DLGAP1: variants seen among roughly 807,000 people sequenced by gnomAD.
The protein encoded by DLGAP1 is disks large-associated protein 1.
A neutral mutation model predicts 90.8 loss-of-function variants in DLGAP1; 11 were observed. The ratio of observed to expected loss-of-function variants is 0.12; its 90% CI spans 0.08 to 0.20. The LOEUF is 0.20. DLGAP1 is among the 10% of genes least tolerant of loss of function. The pLI is 1.00. For missense variants in DLGAP1, 1,050 were observed against 1,333.8 expected (o/e 0.79, Z 3.31); for synonymous variants, 558 against 540.7 (o/e 1.03, Z -0.44).
At chr18:3,715,166 A>G (rs2061723085) in intron 7 of DLGAP1, among the ~76,000 whole-genome samples, 2 of 152,224 alleles carry the variant, frequency 1.3e-5, no homozygotes, top group Non-Finnish European at 2.9e-5. Flanking sequence ...CCAGAAGAAC[A>G]TGGGTCAGAA....
At chr18:4,336,995 T>C (rs1482300759) in intron 1 of DLGAP1, among the ~76,000 whole-genome samples, 1 of 150,078 alleles carries the variant, frequency 6.7e-6, no homozygotes, top group Non-Finnish European at 1.5e-5. Context: ...GCGCCTGTAG[T>C]TCCAGCTACT....
intron 5 of DLGAP1, among the ~76,000 whole-genome samples, chr18:3,770,373 T>G (rs1021290613): frequency 1.3e-5 from 2 of 152,128 alleles, no homozygotes; most frequent in African/African-American, 4.8e-5. Flanking sequence ...CAGACACATG[T>G]CCTGAATATT....
intron 7 of DLGAP1, among the ~76,000 whole-genome samples, chr18:3,601,828 G>C (rs1041227135): frequency 3.9e-4 from 48 of 123,348 alleles, no homozygotes; most frequent in African/African-American, 1.3e-3. Flanking sequence ...CTGGGTGACA[G>C]AGCGAGACTC....
At chr18:4,406,738 T>C (rs1872885622) in intron 1 of DLGAP1, among the ~76,000 whole-genome samples, 3 of 152,182 alleles carry the variant, frequency 2.0e-5, no homozygotes, top group Admixed American at 1.3e-4. Context: ...GCAAGCCAGT[T>C]AGAAGAGTCC....
chr18:3,581,868 C>T lies in DLGAP1; in HGVS notation c.1965+7G>A, dbSNP rs749535704. 5.0e-6 allele frequency: 8 copies of T among 1,612,810 alleles called. No homozygotes were observed. On this transcript the variant is annotated splice_region_variant and intron_variant, in intron 8 of 12. Coordinates refer to ENST00000315677, the MANE Select transcript of DLGAP1 (RefSeq NM_004746.4). The stretch of plus-strand genomic sequence containing the variant: ...CTATTTCAAAGGATAGAAAGGGAGG[C>T]TGTTACCTGTATCCCGATAGACAGG...
rs140013127 is a variant in DLGAP1 at position 4,419,867 on chromosome 18, G to A, written c.-267+35139C>T. On this transcript the variant is annotated intron_variant, in intron 1 of 12. Transcript: ENST00000315677. ...GAGAAAAGAAACAAACAACAGGTAA[G>A]ACAAATAGAAAACAGCTAACATAGA... Among the ~76,000 whole-genome samples the A allele has an allele frequency of 2.9e-3, 440 of 152,134 alleles. 1 individual carries two copies. The highest frequency in any genetic ancestry group is 2.9e-3 in the Non-Finnish European group (199 of 67,976).
chr18:4,327,874 T>A (rs115927394), intron 1 of DLGAP1, among the ~76,000 whole-genome samples: 17 of 152,088 alleles, frequency 1.1e-4, no homozygotes, highest in African/African-American at 4.1e-4. Context: ...AATCAGTATA[T>A]ACCATGCCGA....
At chr18:4,304,278 T>C (rs905444548) in intron 1 of DLGAP1, among the ~76,000 whole-genome samples, 4 of 152,160 alleles carry the variant, frequency 2.6e-5, no homozygotes, top group African/African-American at 4.8e-5. Flanking sequence ...CACTTTAAGA[T>C]TGTTAAATAG....
At chr18:3,576,745 T>C (rs763651146) in intron 8 of DLGAP1, among the ~76,000 whole-genome samples, 2 of 151,686 alleles carry the variant, frequency 1.3e-5, no homozygotes, top group Non-Finnish European at 1.5e-5. Flanking sequence ...TTTGTATTTT[T>C]AGTAGAGATG....
intron 9 of DLGAP1, among the ~76,000 whole-genome samples, chr18:3,546,990 A>G (rs1639344): frequency 6.8e-6 from 1 of 147,128 alleles, no homozygotes; most frequent in East Asian, 2.0e-4. Flanking sequence ...AAAAAAAAAA[A>G]GGACACATAT....
chr18:3,604,704 T>G (rs1009098353), intron 7 of DLGAP1, among the ~76,000 whole-genome samples: 1 of 152,198 alleles, frequency 6.6e-6, no homozygotes, highest in Non-Finnish European at 1.5e-5. Flanking sequence ...TCCTACAGTT[T>G]TAATGTTATC....
At chr18:3,981,851 C>T (rs990206881) in intron 3 of DLGAP1, among the ~76,000 whole-genome samples, 1 of 152,180 alleles carries the variant, frequency 6.6e-6, no homozygotes, top group African/African-American at 2.4e-5. Context: ...TTTCCTCAAT[C>T]ATCCTAATCT....
chr18:3,993,099 A>G (rs577740334), intron 3 of DLGAP1: 1 of 151,316 alleles, frequency 6.6e-6, no homozygotes, highest in East Asian at 1.9e-4. Flanking sequence ...AGTTCTGCCA[A>G]CGATTTATCT....
chr18:4,419,053 T>G (rs913761750), intron 1 of DLGAP1, among the ~76,000 whole-genome samples: 1 of 152,156 alleles, frequency 6.6e-6, no homozygotes, highest in East Asian at 1.9e-4. Context: ...TAGAAGACAA[T>G]GGAGTGCTAA....
chr18:3,709,129 A>G (rs995893427), intron 7 of DLGAP1, among the ~76,000 whole-genome samples: 1 of 152,220 alleles, frequency 6.6e-6, no homozygotes, highest in African/African-American at 2.4e-5. Context: ...GTGCTCCTAT[A>G]AATATACACT....
intron 1 of DLGAP1, among the ~76,000 whole-genome samples, chr18:4,305,590 C>T (rs890789232): frequency 5.9e-5 from 9 of 151,270 alleles, no homozygotes; most frequent in Middle Eastern, 3.5e-3. Context: ...ATTTAGTCCA[C>T]GAAGACACGA....
Position 4,290,711 on chromosome 18 carries a change from C to T in DLGAP1, c.-266-139424G>A, listed in dbSNP as rs545020546. Among the ~76,000 whole-genome samples, 38 of 152,090 alleles carry T rather than the reference C, an allele frequency of 2.5e-4. 1 individual carries two copies. Among genetic ancestry groups the T allele is most frequent in the Non-Finnish European group, 4.7e-4 (32 of 68,028 alleles). ...CATATGCTTGAGCTGTCAATGATTA[C>T]TCAGATTTTTTGGGGTTACAGTTTA... is the stretch of plus-strand genomic sequence containing the variant. On this transcript the variant is annotated intron_variant, in intron 1 of 12. Transcript: ENST00000315677.
chr18:3,744,916 T>C (rs949835937), intron 5 of DLGAP1, among the ~76,000 whole-genome samples: 2 of 152,174 alleles, frequency 1.3e-5, no homozygotes, highest in African/African-American at 4.8e-5. Flanking sequence ...AGCAGCATTA[T>C]TCATAACAGA....
intron 10 of DLGAP1, among the ~76,000 whole-genome samples, chr18:3,519,392 G>T (rs544643019): frequency 1.3e-5 from 2 of 152,096 alleles, no homozygotes; most frequent in African/African-American, 4.8e-5. Flanking sequence ...ACTGCTGCCC[G>T]TTAGTCCTTT....
Sources: allele counts gnomAD v4.1 joint callset (sites outside exome capture counted in the v4.1 genomes callset), GRCh38; gene constraint gnomAD v4.1.1; transcripts MANE v1.5; gene names NCBI Gene and HGNC (gene_info 2026-07-23, HGNC 2026-07-21).